Variants in NEGR1 observed in about 807,000 individuals in gnomAD.
NEGR1 encodes the protein IgLON family member 4.
NEGR1 carries 10 observed loss-of-function variants against 40.9 expected under a neutral mutation model. That is an observed-to-expected ratio of 0.24 (90% CI 0.15 to 0.42). The LOEUF (loss-of-function observed/expected upper bound fraction) is 0.42, where lower values mean the gene tolerates loss of function less well. NEGR1 is among the 10% of genes least tolerant of loss of function. NEGR1 has a pLI of 1.00. For synonymous variants in NEGR1, 185 were observed against 166.8 expected (o/e 1.11, Z -0.84); for missense variants, 352 against 438.9 (o/e 0.80, Z 1.77).
chr1:71,850,841 C>A (rs891952789), intron 2 of NEGR1, among the ~76,000 whole-genome samples: 1 of 152,030 alleles, frequency 6.6e-6, no homozygotes, highest in Non-Finnish European at 1.5e-5. Flanking sequence ...TTGGAAATTT[C>A]CTCACTAAAA....
At chr1:71,746,626 C>T (rs1655391711) in intron 3 of NEGR1, among the ~76,000 whole-genome samples, 1 of 151,766 alleles carries the variant, frequency 6.6e-6, no homozygotes, top group Non-Finnish European at 1.5e-5. Flanking sequence ...AATCCATTTT[C>T]CTCAATGCAT....
At chr1:72,102,411 T>C (rs1648982143) in intron 1 of NEGR1, among the ~76,000 whole-genome samples, 1 of 152,082 alleles carries the variant, frequency 6.6e-6, no homozygotes, top group Admixed American at 6.6e-5. Context: ...AATACTGTAG[T>C]TTTGCTATTT....
At chr1:71,461,248 T>G (rs1478344484) in intron 6 of NEGR1, among the ~76,000 whole-genome samples, 1 of 152,214 alleles carries the variant, frequency 6.6e-6, no homozygotes, top group Non-Finnish European at 1.5e-5. Context: ...GAAAATTTTT[T>G]GCCAATCTAT....
chr1:71,684,303 T>C (rs1351804719), intron 4 of NEGR1, among the ~76,000 whole-genome samples: 1 of 152,008 alleles, frequency 6.6e-6, no homozygotes, highest in East Asian at 1.9e-4. Context: ...TAATTAAATA[T>C]TACTAATATT....
chr1:71,706,269 C>A (rs970381689), intron 3 of NEGR1, among the ~76,000 whole-genome samples: 1 of 152,062 alleles, frequency 6.6e-6, no homozygotes, highest in South Asian at 2.1e-4. Context: ...GATGCCCATC[C>A]GCAGAAGGAG....
chr1:71,821,299 G>A (rs1284168774), intron 2 of NEGR1, among the ~76,000 whole-genome samples: 3 of 151,890 alleles, frequency 2.0e-5, no homozygotes, highest in Non-Finnish European at 4.4e-5. Context: ...TGAAGGCCTT[G>A]GAAGAACACA....
At chr1:71,709,234 G>A (rs186481309) in intron 3 of NEGR1, among the ~76,000 whole-genome samples, 87 of 152,184 alleles carry the variant, frequency 5.7e-4, no homozygotes, top group Admixed American at 1.1e-3. Context: ...CCTCTTTCTG[G>A]CAATTCAGAG....
chr1:71,759,880 A>AT (rs1490875707), intron 3 of NEGR1, among the ~76,000 whole-genome samples: 1 of 151,920 alleles, frequency 6.6e-6, no homozygotes, highest in Non-Finnish European at 1.5e-5. Flanking sequence ...AATTACTGGG[A>AT]TTACAGGCAT....
At chr1:71,755,727 G>T (rs545367470) in intron 3 of NEGR1, among the ~76,000 whole-genome samples, 93 of 152,250 alleles carry the variant, frequency 6.1e-4, no homozygotes, top group African/African-American at 2.1e-3. Flanking sequence ...ATGCCTCATT[G>T]TTGTATTGTT....
At chr1:72,055,303 A>C (rs976585709) in intron 1 of NEGR1, among the ~76,000 whole-genome samples, 37 of 151,314 alleles carry the variant, frequency 2.4e-4, no homozygotes, top group Admixed American at 6.6e-4. Context: ...CTTTTGAACA[A>C]GGCATTTACA....
At chr1:72,149,718 A>G (rs749301413) in intron 1 of NEGR1, among the ~76,000 whole-genome samples, 3 of 151,806 alleles carry the variant, frequency 2.0e-5, no homozygotes, top group African/African-American at 7.3e-5. Flanking sequence ...CCCCACCACT[A>G]CTAAAAATAC....
chr1:71,455,962 T>C (rs1646669664), intron 6 of NEGR1, among the ~76,000 whole-genome samples: 1 of 152,212 alleles, frequency 6.6e-6, no homozygotes, highest in African/African-American at 2.4e-5. Flanking sequence ...GGTTCAGAAT[T>C]TCCAAAATAT....
intron 6 of NEGR1, among the ~76,000 whole-genome samples, chr1:71,523,406 G>C (rs1647175995): frequency 6.6e-6 from 1 of 151,856 alleles, no homozygotes; most frequent in African/African-American, 2.4e-5. Context: ...TTCATATATT[G>C]TAAGATTATT....
chr1:71,463,774 A>C (rs1316837002), intron 6 of NEGR1, among the ~76,000 whole-genome samples: 2 of 152,204 alleles, frequency 1.3e-5, no homozygotes, highest in Non-Finnish European at 2.9e-5. Context: ...TAGTTCAAAA[A>C]CAAAGCAAGT....
intron 4 of NEGR1, among the ~76,000 whole-genome samples, chr1:71,694,867 C>A (rs1001823489): frequency 6.6e-6 from 1 of 151,646 alleles, no homozygotes; most frequent in Admixed American, 6.6e-5. Context: ...TAATTCTATG[C>A]GCACAATCAA....
chr1:71,689,666 A>C (rs1047166658), intron 4 of NEGR1, among the ~76,000 whole-genome samples: 7 of 152,044 alleles, frequency 4.6e-5, no homozygotes, highest in Non-Finnish European at 1.0e-4. Flanking sequence ...TGACTGAATA[A>C]AATTCATTAT....
chr1:71,482,399 G>T (rs1646859486), intron 6 of NEGR1, among the ~76,000 whole-genome samples: 1 of 151,864 alleles, frequency 6.6e-6, no homozygotes, highest in Non-Finnish European at 1.5e-5. Context: ...CAAACTGTTA[G>T]GTGGTGGAAA....
intron 1 of NEGR1, among the ~76,000 whole-genome samples, chr1:72,199,630 A>G (rs1653130396): frequency 6.6e-6 from 1 of 152,030 alleles, no homozygotes; most frequent in South Asian, 2.1e-4. Flanking sequence ...TGGATTACAT[A>G]ATCTATAAAT....
chr1:71,805,536 C>T (rs906758489), intron 2 of NEGR1, among the ~76,000 whole-genome samples: 29 of 152,058 alleles, frequency 1.9e-4, no homozygotes, highest in Admixed American at 3.3e-4. Context: ...GAATTTCGCC[C>T]GATATCACAG....
Sources: gnomAD v4.1 joint callset for allele counts (sites outside exome capture counted in the v4.1 genomes callset) on GRCh38, gnomAD v4.1.1 for gene constraint, MANE v1.5 for transcripts, NCBI Gene and HGNC (gene_info 2026-07-23, HGNC 2026-07-21) for gene names.